RPRD1A: variants seen among roughly 807,000 people sequenced by gnomAD.
The protein encoded by RPRD1A is regulation of nuclear pre-mRNA domain containing 1A.
Under a neutral mutation model 37.8 loss-of-function variants are expected in RPRD1A, and 9 were observed. That is an observed-to-expected ratio of 0.24 (90% CI 0.14 to 0.42). The LOEUF (loss-of-function observed/expected upper bound fraction) is 0.42. RPRD1A is among the 10% of genes least tolerant of loss of function. The pLI, the probability that RPRD1A is intolerant of heterozygous loss-of-function variation, is 1.00. For synonymous variants in RPRD1A, 138 were observed against 139.7 expected (o/e 0.99, Z 0.08); for missense variants, 255 against 371.0 (o/e 0.69, Z 2.57).
intron 6 of RPRD1A, among the ~76,000 whole-genome samples, chr18:36,021,818 A>G (rs1911014759): frequency 6.6e-6 from 1 of 152,130 alleles, no homozygotes; most frequent in Non-Finnish European, 1.5e-5. Context: ...TGGGCAACAT[A>G]GTGAGACCCT....
intron 1 of RPRD1A, among the ~76,000 whole-genome samples, chr18:36,046,064 T>TAA (rs1325407772): frequency 6.6e-6 from 1 of 152,220 alleles, no homozygotes; most frequent in Non-Finnish European, 1.5e-5. Context: ...CTTTTATGAT[T>TAA]ATATTAAAAT....
intron 6 of RPRD1A, among the ~76,000 whole-genome samples, chr18:36,015,639 TA>T (rs771395830): frequency 2.0e-5 from 3 of 152,170 alleles, no homozygotes; most frequent in Non-Finnish European, 2.9e-5. Context: ...TATTCGGCCT[TA>T]AAAAGGAAGG....
intron 1 of RPRD1A, among the ~76,000 whole-genome samples, chr18:36,050,913 ATT>A (rs35470275): frequency 4.3e-5 from 6 of 138,652 alleles, no homozygotes; most frequent in South Asian, 2.3e-4. Flanking sequence ...GGTAAAACTG[ATT>A]TTTTTTTTTA....
chr18:36,023,082 A>T (rs1454210277), intron 6 of RPRD1A, among the ~76,000 whole-genome samples: 1 of 152,226 alleles, frequency 6.6e-6, no homozygotes, highest in South Asian at 2.1e-4. Flanking sequence ...CTTATAGATA[A>T]AAGAGCAATT....
At chr18:35,998,110 G>A (rs1018327182) in intron 6 of RPRD1A, among the ~76,000 whole-genome samples, 1 of 152,228 alleles carries the variant, frequency 6.6e-6, no homozygotes, top group Non-Finnish European at 1.5e-5. Context: ...TGTAATCCCA[G>A]CACTTCGGGA....
chr18:35,999,732 C>T (rs1371918297), intron 6 of RPRD1A, among the ~76,000 whole-genome samples: 1 of 152,078 alleles, frequency 6.6e-6, no homozygotes, highest in Non-Finnish European at 1.5e-5. Flanking sequence ...ATCATACTTA[C>T]TGTATTGCAG....
intron 1 of RPRD1A, among the ~76,000 whole-genome samples, chr18:36,034,553 A>AATAAGATT (rs1456994592): frequency 6.6e-6 from 1 of 152,228 alleles, no homozygotes; most frequent in Non-Finnish European, 1.5e-5. Flanking sequence ...ATATGACTCA[A>AATAAGATT]ATAAGATTAT....
Position 36,067,364 on chromosome 18 carries a change from G to A in RPRD1A, c.41C>T (p.Ser14Leu), listed in dbSNP as rs757714667. ...FSEAALEKKLSELSNSQQSVQ... is the reference protein window; with the variant it reads ...FSEAALEKKLLELSNSQQSVQ... Reference sequence around the variant, plus strand: ...GCTCTGCTGCGAGTTGCTCAACTCCGACAGCTTCTTCTCCAGCGCCGCCTC... The same window carrying A: ...GCTCTGCTGCGAGTTGCTCAACTCCAACAGCTTCTTCTCCAGCGCCGCCTC... The change falls in exon 1 of 7, where the codon TCG becomes TTG. Residue 14 changes from serine (S) to leucine (L), a missense_variant. By Grantham distance (145) the Ser-to-Leu change is moderately radical. Coordinates refer to ENST00000399022, the MANE Select transcript of RPRD1A (RefSeq NM_018170.5). 6.2e-7 allele frequency: 1 copy of A among 1,607,940 alleles called. No homozygotes were observed. Among genetic ancestry groups the A allele is most frequent in the South Asian group, 1.1e-5 (1 of 89,844 alleles).
intron 6 of RPRD1A, chr18:36,026,678 G>T: frequency 5.1e-6 from 2 of 392,086 alleles, no homozygotes; most frequent in Non-Finnish European, 4.5e-6. Flanking sequence ...ATTTTTAAAT[G>T]CAATCAATTT....
At chr18:36,050,991 C>T (rs1020435625) in intron 1 of RPRD1A, among the ~76,000 whole-genome samples, 1 of 151,686 alleles carries the variant, frequency 6.6e-6, no homozygotes, top group African/African-American at 2.4e-5. Context: ...CAGGCACCAA[C>T]CCATCACACA....
intron 6 of RPRD1A, among the ~76,000 whole-genome samples, chr18:36,011,068 A>G (rs749315974): frequency 3.3e-5 from 5 of 152,242 alleles, no homozygotes; most frequent in African/African-American, 1.2e-4. Flanking sequence ...GTTAAACGCT[A>G]GAGATATGCT....
chr18:36,009,098 C>T (rs1439101174), intron 6 of RPRD1A, among the ~76,000 whole-genome samples: 1 of 152,010 alleles, frequency 6.6e-6, no homozygotes, highest in East Asian at 1.9e-4. Flanking sequence ...AAGTTCTTCC[C>T]TTTGAGCTTT....
intron 1 of RPRD1A, among the ~76,000 whole-genome samples, chr18:36,034,773 T>A (rs901730050): frequency 6.6e-5 from 10 of 152,182 alleles, no homozygotes; most frequent in African/African-American, 2.4e-4. Context: ...AAGACAAAAA[T>A]CTTGATCAGG....
At chr18:36,062,287 G>A (rs1056779122) in intron 1 of RPRD1A, among the ~76,000 whole-genome samples, 9 of 135,160 alleles carry the variant, frequency 6.7e-5, no homozygotes, top group Admixed American at 2.5e-4. Context: ...ACTGCAGTCC[G>A]CAGTCCGGCC....
At chr18:35,999,708 G>A (rs62101375) in intron 6 of RPRD1A, among the ~76,000 whole-genome samples, 2,632 of 152,010 alleles carry the variant, frequency 0.017, 34 homozygotes, top group Middle Eastern at 0.027. Context: ...TAAAGGCTTT[G>A]GTCAATTCTA....
At chr18:36,053,057 AGAG>A (rs1012528632) in intron 1 of RPRD1A, 1 of 152,336 alleles carries the variant, frequency 6.6e-6, no homozygotes, top group African/African-American at 2.4e-5. Flanking sequence ...AAACCTGCAG[AGAG>A]GAGTTGTCAT....
intron 6 of RPRD1A, among the ~76,000 whole-genome samples, chr18:36,019,201 G>A (rs1050747605): frequency 2.8e-4 from 41 of 146,714 alleles, no homozygotes; most frequent in Non-Finnish European, 5.2e-4. Context: ...TCCACCTCCC[G>A]GGTTCACGCC....
chr18:36,028,417 A>G (rs1394095286), intron 4 of RPRD1A, among the ~76,000 whole-genome samples: 1 of 152,186 alleles, frequency 6.6e-6, no homozygotes, highest in Non-Finnish European at 1.5e-5. Flanking sequence ...TGTGCTTAAG[A>G]GTAACAACAA....
intron 1 of RPRD1A, among the ~76,000 whole-genome samples, chr18:36,051,537 C>T (rs1440766218): frequency 6.6e-6 from 1 of 151,998 alleles, no homozygotes; most frequent in African/African-American, 2.4e-5. Flanking sequence ...CTCTAATACC[C>T]CTTCCAATTC....
Sources: allele counts gnomAD v4.1 joint callset (sites outside exome capture counted in the v4.1 genomes callset), GRCh38; gene constraint gnomAD v4.1.1; transcripts MANE v1.5; gene names NCBI Gene and HGNC (gene_info 2026-07-23, HGNC 2026-07-21).